PPP2R5C: variants seen among roughly 807,000 people sequenced by gnomAD.
The protein encoded by PPP2R5C is serine/threonine-protein phosphatase 2A 56 kDa regulatory subunit gamma isoform.
A neutral mutation model predicts 68.9 loss-of-function variants in PPP2R5C; 7 were observed. That is an observed-to-expected ratio of 0.10 (90% CI 0.06 to 0.19). The LOEUF is 0.19. Among genes scored for constraint, PPP2R5C ranks in the 10% least tolerant of loss-of-function variants. The pLI is 1.00. For synonymous variants in PPP2R5C, 210 were observed against 222.2 expected (o/e 0.95, Z 0.49); for missense variants, 348 against 641.3 (o/e 0.54, Z 4.94).
At position 101,835,833 on chromosome 14, in the gene PPP2R5C, C is replaced by T. The variant is rs2041054859; in HGVS notation, c.95-20853C>T. 6.6e-6 allele frequency among the ~76,000 whole-genome samples: 1 copy of T among 152,234 alleles called. No homozygotes were observed. Among genetic ancestry groups the T allele is most frequent in the Non-Finnish European group, 1.5e-5 (1 of 68,042 alleles). On this transcript the variant is annotated intron_variant, in intron 1 of 13. Transcript: ENST00000334743. The surrounding 1 kb of genome is among the most constrained non-coding windows in gnomAD (Gnocchi z 5.0). Reference sequence around the variant, plus strand: ...CCCTGCCTGGGCTCAGGCATCAGCACGGTCCCATCTGAGCGTCGCCTTAAC... The same window carrying T: ...CCCTGCCTGGGCTCAGGCATCAGCATGGTCCCATCTGAGCGTCGCCTTAAC...
chr14:101,763,856 C>G (rs75187368), intron 2 of PPP2R5C, among the ~76,000 whole-genome samples: 1 of 152,176 alleles, frequency 6.6e-6, no homozygotes, highest in East Asian at 1.9e-4. Flanking sequence ...CTTTTTCTTC[C>G]ATCACCTTGT....
At chr14:101,789,469 G>A (rs2038263746) in intron 3 of PPP2R5C, among the ~76,000 whole-genome samples, 1 of 152,178 alleles carries the variant, frequency 6.6e-6, no homozygotes, top group African/African-American at 2.4e-5. Flanking sequence ...AATGCCATAT[G>A]ATTTTCCTCT....
At chr14:101,816,292 T>C (rs2039664192) in intron 1 of PPP2R5C, among the ~76,000 whole-genome samples, 1 of 152,164 alleles carries the variant, frequency 6.6e-6, no homozygotes, top group Non-Finnish European at 1.5e-5. Flanking sequence ...CGCCAAGTGG[T>C]CTAAACGTGG....
chr14:101,798,445 G>C (rs1256738739), intron 3 of PPP2R5C, among the ~76,000 whole-genome samples: 1 of 152,188 alleles, frequency 6.6e-6, no homozygotes. Flanking sequence ...GAATAAAACA[G>C]TGACAGAGGG....
intron 13 of PPP2R5C, among the ~76,000 whole-genome samples, chr14:101,923,738 C>G (rs1028326585): frequency 1.3e-5 from 2 of 152,194 alleles, no homozygotes; most frequent in African/African-American, 4.8e-5. Flanking sequence ...TAAACCTTGA[C>G]ATTATTGCTG....
At chr14:101,810,858 G>A (rs1433153694) in intron 1 of PPP2R5C, among the ~76,000 whole-genome samples, 2 of 152,154 alleles carry the variant, frequency 1.3e-5, no homozygotes, top group Admixed American at 1.3e-4. Context: ...CAGGGTAGTA[G>A]CCTACTTATT....
intron 1 of PPP2R5C, among the ~76,000 whole-genome samples, chr14:101,855,603 A>T (rs1327785585): frequency 6.6e-6 from 1 of 152,226 alleles, no homozygotes; most frequent in Admixed American, 6.5e-5. Flanking sequence ...TCATTTGGAA[A>T]ATACTTGTTC....
chr14:101,919,179 C>T (rs1379917025), intron 13 of PPP2R5C, among the ~76,000 whole-genome samples: 1 of 152,258 alleles, frequency 6.6e-6, no homozygotes, highest in Non-Finnish European at 1.5e-5. Context: ...CACCAAGTCC[C>T]CACGGCAGCC....
chr14:101,890,269 T>C (rs751325437), exon 6 of PPP2R5C: 6 of 1,613,940 alleles, frequency 3.7e-6, no homozygotes, highest in Non-Finnish European at 4.2e-6. Context: ...CATAATGGCA[T>C]AGCAGAGTTA....
intron 3 of PPP2R5C, 49 bp from the exon 6 acceptor site, chr14:101,883,204 CGCCA>C (rs1237765739): frequency 7.1e-6 from 9 of 1,259,544 alleles, no homozygotes; most frequent in Admixed American, 4.8e-5. Flanking sequence ...ATATTTTAAC[CGCCA>C]TTCAATAAAA....
At chr14:101,858,635 A>G (rs1380238235) in intron 2 of PPP2R5C, among the ~76,000 whole-genome samples, 1 of 151,840 alleles carries the variant, frequency 6.6e-6, no homozygotes, top group Non-Finnish European at 1.5e-5. Flanking sequence ...ATTTCCCCCT[A>G]TTGCTTAATG....
chr14:101,799,410 G>A (rs1360951187), intron 3 of PPP2R5C, among the ~76,000 whole-genome samples: 5 of 152,174 alleles, frequency 3.3e-5, no homozygotes, highest in South Asian at 2.1e-4. Context: ...TTCTCTAAAC[G>A]TGAGGGGATA....
At chr14:101,883,007 T>C (rs1440107011) in intron 3 of PPP2R5C, 1 of 415,818 alleles carries the variant, frequency 2.4e-6, no homozygotes, top group African/African-American at 2.1e-5. Flanking sequence ...CTATAACTGA[T>C]GACATCAGCC....
At chr14:101,869,570 A>G (rs917826622) in intron 2 of PPP2R5C, among the ~76,000 whole-genome samples, 13 of 152,116 alleles carry the variant, frequency 8.5e-5, no homozygotes, top group African/African-American at 3.1e-4. Flanking sequence ...TGCCTCCCGT[A>G]TCTTTGTCAA....
At chr14:101,842,873 C>A (rs971685645) in intron 1 of PPP2R5C, among the ~76,000 whole-genome samples, 2 of 150,294 alleles carry the variant, frequency 1.3e-5, no homozygotes, top group African/African-American at 4.9e-5. Context: ...ATCATACTTA[C>A]TTAAAACCAT....
chr14:101,807,347 C>CT (rs1043985010), upstream of PPP2R5C, among the ~76,000 whole-genome samples: 2 of 152,072 alleles, frequency 1.3e-5, no homozygotes, highest in African/African-American at 2.4e-5. Context: ...ATTAATCTGC[C>CT]TTTTTTGCCC....
intron 1 of PPP2R5C, among the ~76,000 whole-genome samples, chr14:101,845,798 A>G (rs748613485): frequency 2.0e-5 from 3 of 152,226 alleles, no homozygotes; most frequent in Non-Finnish European, 4.4e-5. Context: ...CAGGAAAGAT[A>G]ATGTAACCTT....
At position 101,822,766 on chromosome 14, in the gene PPP2R5C, C is replaced by CTTATGCGT. The variant is rs576112855; in HGVS notation, c.94+12731_94+12738dup. On this transcript the variant is annotated intron_variant, in intron 1 of 13. Coordinates refer to ENST00000334743, the Ensembl canonical transcript of PPP2R5C. ...ATTCTGCATTTTTTTACTTCTAAAT[C>CTTATGCGT]TTATGCGTCATTTAAATGTTAACTT... Among the ~76,000 whole-genome samples the CTTATGCGT allele has an allele frequency of 5.3e-3, 810 of 152,268 alleles. 5 individuals are homozygous for CTTATGCGT. The highest frequency in any genetic ancestry group is 0.018 in the African/African-American group (763 of 41,550).
In PPP2R5C at chr14:101,917,141, A is replaced by G. The variant is rs2046719711; in HGVS notation, c.1327-690A>G. Among the ~76,000 whole-genome samples, 1 of 152,064 alleles carries G rather than the reference A, an allele frequency of 6.6e-6. No individual in the cohort carries two copies. The highest frequency in any genetic ancestry group is 1.5e-5 in the Non-Finnish European group (1 of 67,998). On this transcript the variant is annotated intron_variant, in intron 12 of 13. Transcript: ENST00000334743. The surrounding 1 kb of genome is among the most constrained non-coding windows in gnomAD (Gnocchi z 4.4). ...GTGACCTTACCCCCGCACTACACTC[A>G]TGGAAATGGAGTCAACCAGGCCCAG...
Sources: gnomAD v4.1 joint callset for allele counts (sites outside exome capture counted in the v4.1 genomes callset) on GRCh38, gnomAD v4.1.1 for gene constraint, Gnocchi (gnomAD v3.1) non-coding constraint, MANE v1.5 for transcripts, NCBI Gene and HGNC (gene_info 2026-07-23, HGNC 2026-07-21) for gene names.